DRC8: variants seen among roughly 807,000 people sequenced by gnomAD.
DRC8 encodes dynein regulatory complex protein 8.
chr1:245,055,344 C>T, the DRC8 span, among the ~76,000 whole-genome samples: 1 of 152,110 alleles, frequency 6.6e-6, no homozygotes, highest in Admixed American at 6.5e-5. Context: ...TTTAGAGACA[C>T]GATCTCACTC....
chr1:245,019,404 T>A, the DRC8 span, among the ~76,000 whole-genome samples: 1 of 152,180 alleles, frequency 6.6e-6, no homozygotes. Flanking sequence ...AAAATTCGTT[T>A]AAAGATAGGG....
At chr1:245,064,631 T>C in the DRC8 span, among the ~76,000 whole-genome samples, 4 of 151,944 alleles carry the variant, frequency 2.6e-5, no homozygotes, top group African/African-American at 9.6e-5. Context: ...GAGATTTGTA[T>C]GTTTGAAAGT....
the DRC8 span, among the ~76,000 whole-genome samples, chr1:245,001,663 G>A: frequency 6.6e-6 from 1 of 152,214 alleles, no homozygotes; most frequent in Non-Finnish European, 1.5e-5. Context: ...AAGCTGAGAA[G>A]TGTCATCAGA....
the DRC8 span, among the ~76,000 whole-genome samples, chr1:244,976,270 A>G: frequency 1.4e-5 from 2 of 145,562 alleles, no homozygotes; most frequent in Admixed American, 1.4e-4. Flanking sequence ...CTCCATCTCA[A>G]AACAAAAAAA....
the DRC8 span, among the ~76,000 whole-genome samples, chr1:244,981,507 T>C: frequency 6.6e-6 from 1 of 152,164 alleles, no homozygotes; most frequent in Non-Finnish European, 1.5e-5. Flanking sequence ...ATCTATGTGG[T>C]AGGTGCCTCT....
chr1:245,121,660 C>G, the DRC8 span, among the ~76,000 whole-genome samples: 1 of 152,188 alleles, frequency 6.6e-6, no homozygotes, highest in African/African-American at 2.4e-5. Context: ...CTGGCCTTCC[C>G]TAAAGTGTAT....
At chr1:245,051,741 T>C in the DRC8 span, among the ~76,000 whole-genome samples, 1 of 152,206 alleles carries the variant, frequency 6.6e-6, no homozygotes, top group African/African-American at 2.4e-5. Flanking sequence ...CTGAATATTT[T>C]AAGGCAAAAG....
At chr1:245,012,135 T>A in the DRC8 span, among the ~76,000 whole-genome samples, 162 of 152,330 alleles carry the variant, frequency 1.1e-3, 1 homozygote, top group South Asian at 0.012. Context: ...TGCCATTTGT[T>A]TTGTTCAAAT....
At chr1:245,036,377 T>C in the DRC8 span, among the ~76,000 whole-genome samples, 2 of 152,152 alleles carry the variant, frequency 1.3e-5, no homozygotes, top group Non-Finnish European at 2.9e-5. Flanking sequence ...AAATGAAAGA[T>C]AGCAAATGTT....
At chr1:245,023,865 C>T in the DRC8 span, among the ~76,000 whole-genome samples, 1 of 152,134 alleles carries the variant, frequency 6.6e-6, no homozygotes, top group African/African-American at 2.4e-5. Context: ...TATATCTTGA[C>T]TATTTATTAA....
At chr1:245,071,470 T>C in the DRC8 span, among the ~76,000 whole-genome samples, 22 of 152,232 alleles carry the variant, frequency 1.4e-4, no homozygotes, top group Non-Finnish European at 1.5e-4. Context: ...TGCTATAACA[T>C]GGCAAGGAAC....
At chr1:245,090,605 A>G in the DRC8 span, among the ~76,000 whole-genome samples, 3 of 152,200 alleles carry the variant, frequency 2.0e-5, no homozygotes, top group Admixed American at 2.0e-4. Context: ...TGGCTGTATC[A>G]GCTTTTTCTA....
At chr1:245,086,555 T>C in the DRC8 span, among the ~76,000 whole-genome samples, 16 of 152,328 alleles carry the variant, frequency 1.1e-4, no homozygotes, top group African/African-American at 3.6e-4. Flanking sequence ...TCCTACAAGA[T>C]AGAAGTCCCT....
chr1:245,035,199 T>TA, the DRC8 span, among the ~76,000 whole-genome samples: 54,398 of 144,214 alleles, frequency 0.38, 10,066 homozygotes, highest in African/African-American at 0.48. Flanking sequence ...TTTTTTTTTT[T>TA]AAACAAATTG....
chr1:245,067,827 A>G, the DRC8 span, among the ~76,000 whole-genome samples: 137 of 152,234 alleles, frequency 9.0e-4, 1 homozygote, highest in Middle Eastern at 0.01. Flanking sequence ...GGGAGTAATT[A>G]TGTTCTTATT....
chr1:244,988,335 A>G, the DRC8 span, among the ~76,000 whole-genome samples: 3 of 152,160 alleles, frequency 2.0e-5, no homozygotes, highest in Non-Finnish European at 2.9e-5. Flanking sequence ...ATTTTTATCA[A>G]TTAAGTGGCA....
At chr1:245,103,800 A>G in the DRC8 span, among the ~76,000 whole-genome samples, 1 of 152,206 alleles carries the variant, frequency 6.6e-6, no homozygotes, top group Non-Finnish European at 1.5e-5. Flanking sequence ...GGATCCACTA[A>G]AGAAAAGGTG....
chr1:245,109,779 C>T, the DRC8 span, among the ~76,000 whole-genome samples: 2 of 152,194 alleles, frequency 1.3e-5, no homozygotes, highest in East Asian at 1.9e-4. Context: ...TTGGGAGACC[C>T]GGCTCTCTGC....
the DRC8 span, among the ~76,000 whole-genome samples, chr1:244,999,079 A>AAG: frequency 7.3e-6 from 1 of 136,856 alleles, no homozygotes; most frequent in Non-Finnish European, 1.6e-5. Context: ...AAAAAAAAAA[A>AAG]AAAGAAAGAA....
Sources: gnomAD v4.1 joint callset for allele counts (sites outside exome capture counted in the v4.1 genomes callset) on GRCh38, gnomAD v4.1.1 for gene constraint, MANE v1.5 for transcripts, NCBI Gene and HGNC (gene_info 2026-07-23, HGNC 2026-07-21) for gene names.